TNFRSF8: variants seen among roughly 807,000 people sequenced by gnomAD.
TNFRSF8 encodes the protein TNF receptor superfamily member 8, also known as tumor necrosis factor receptor superfamily member 8.
Under a neutral mutation model 70.8 loss-of-function variants are expected in TNFRSF8, and 26 were observed. The observed-to-expected ratio is 0.37, with a 90% CI of 0.27 to 0.51. The LOEUF is 0.51. TNFRSF8 is among the 20% of genes least tolerant of loss of function. The pLI is 0.94. For missense variants in TNFRSF8, 720 were observed against 807.9 expected (o/e 0.89, Z 1.32); for synonymous variants, 356 against 339.2 (o/e 1.05, Z -0.54).
chr1:12,093,423 G>A (rs1267746208), intron 2 of TNFRSF8, among the ~76,000 whole-genome samples: 1 of 152,202 alleles, frequency 6.6e-6, no homozygotes, highest in Non-Finnish European at 1.5e-5. Context: ...TGGGAGTGCA[G>A]GCTGGGGAAT....
At chr1:12,079,258 C>T (rs1439928263) in intron 1 of TNFRSF8, among the ~76,000 whole-genome samples, 1 of 152,176 alleles carries the variant, frequency 6.6e-6, no homozygotes, top group Non-Finnish European at 1.5e-5. Context: ...TTTTAGGCCA[C>T]CCTCTCTTTA....
intron 12 of TNFRSF8, among the ~76,000 whole-genome samples, chr1:12,131,727 C>T (rs1007641864): frequency 1.3e-5 from 2 of 152,000 alleles, no homozygotes; most frequent in Non-Finnish European, 2.9e-5. Flanking sequence ...CTCCTGAGCT[C>T]AAGTGATCTG....
intron 1 of TNFRSF8, among the ~76,000 whole-genome samples, chr1:12,064,843 T>G (rs1012124495): frequency 6.6e-6 from 1 of 152,064 alleles, no homozygotes. Flanking sequence ...AGCCCTCACC[T>G]GGGGGAAGGT....
At chr1:12,065,635 C>T (rs1229140285) in intron 1 of TNFRSF8, among the ~76,000 whole-genome samples, 2 of 152,180 alleles carry the variant, frequency 1.3e-5, no homozygotes, top group South Asian at 2.1e-4. Context: ...CTATACCCTA[C>T]AGTACATATG....
intron 2 of TNFRSF8, among the ~76,000 whole-genome samples, chr1:12,096,550 A>G (rs1641334744): frequency 6.6e-6 from 1 of 152,124 alleles, no homozygotes. Context: ...GGGTTGGACA[A>G]GCTTGGTCTA....
chr1:12,074,118 A>C (rs1286440879), intron 1 of TNFRSF8, among the ~76,000 whole-genome samples: 1 of 152,022 alleles, frequency 6.6e-6, no homozygotes, highest in Admixed American at 6.6e-5. Flanking sequence ...CTTGGTGGGA[A>C]GTGAGGATCG....
intron 7 of TNFRSF8, 36 bp from the exon 8 acceptor site, chr1:12,115,541 T>C: frequency 6.2e-7 from 1 of 1,614,000 alleles, no homozygotes; most frequent in East Asian, 2.2e-5. Context: ...CTTGCCATAC[T>C]GATCTTTCTC....
intron 13 of TNFRSF8, among the ~76,000 whole-genome samples, chr1:12,135,894 G>A (rs1319296780): frequency 6.6e-6 from 1 of 152,184 alleles, no homozygotes; most frequent in African/African-American, 2.4e-5. Flanking sequence ...CCAGCTCCTG[G>A]CTCAGCCTGC....
At chr1:12,101,512 A>G (rs1641422818) in intron 3 of TNFRSF8, among the ~76,000 whole-genome samples, 1 of 152,190 alleles carries the variant, frequency 6.6e-6, no homozygotes, top group Admixed American at 6.5e-5. Context: ...AGTATTACAT[A>G]CTATCCATAA....
intron 1 of TNFRSF8, among the ~76,000 whole-genome samples, chr1:12,064,738 C>T (rs1025981847): frequency 1.3e-5 from 2 of 152,146 alleles, no homozygotes; most frequent in Non-Finnish European, 2.9e-5. Context: ...TGCCCTCTTC[C>T]ATTTCCAATG....
Position 12,143,798 on chromosome 1 carries a change from C to G in TNFRSF8, c.*1267C>G, listed in dbSNP as rs983917377. On this transcript the variant is annotated 3_prime_UTR_variant, in exon 15 of 15. Transcript: ENST00000263932. This position sits in a 1 kb window ranked among gnomAD's most constrained non-coding sequence, Gnocchi z 4.1. ...GGCAGCCTGGAGACTCGTGGACTTA[C>G]CGCCTGGAGGCAGGCCCGGGAAGGC... 1.3e-5 allele frequency: 2 copies of G among 152,250 alleles called. No homozygotes were observed. The highest frequency in any genetic ancestry group is 3.8e-4 in the East Asian group (2 of 5,202). The allele number at this position is 152,250 out of a possible 1,614,324, so 9.4% of individuals were successfully genotyped here. A position where few individuals can be genotyped will look rare whatever the true frequency, so the allele number is the denominator to read the frequency against.
At chr1:12,131,919 G>T (rs1453518588) in intron 12 of TNFRSF8, among the ~76,000 whole-genome samples, 1 of 151,608 alleles carries the variant, frequency 6.6e-6, no homozygotes, top group Non-Finnish European at 1.5e-5. Context: ...TCAGCCTCCC[G>T]AGTAGCTGGG....
chr1:12,125,724 ACT>A (rs1485048272), intron 10 of TNFRSF8, among the ~76,000 whole-genome samples: 5 of 151,918 alleles, frequency 3.3e-5, no homozygotes, highest in Admixed American at 6.6e-5. Context: ...TCAATTTCTC[ACT>A]CTCTAGACAC....
In TNFRSF8 at chr1:12,123,739, G is replaced by C; in HGVS notation, c.1065G>C (p.Leu355=). The C allele has an allele frequency of 3.8e-6, 6 of 1,570,496 alleles. No homozygotes were observed. The highest frequency in any genetic ancestry group is 5.2e-6 in the Non-Finnish European group (6 of 1,157,280). The change falls in exon 10 of 15, where the codon CTG becomes CTC. Residue 355 remains leucine, a synonymous_variant. Coordinates refer to ENST00000263932, the MANE Select transcript of TNFRSF8 (RefSeq NM_001243.5). ...PASTSPTQSL[L]VDSQASKTLP... is the part of the protein sequence containing the mutation. Reference sequence around the variant, plus strand: ...GCACCAGCCCCACTCAGAGCTTGCTGGTGGACTCCCAGGCCAGTAAGACGC... The same window carrying C: ...GCACCAGCCCCACTCAGAGCTTGCTCGTGGACTCCCAGGCCAGTAAGACGC...
chr1:12,074,588 A>T (rs1014156497), intron 1 of TNFRSF8, among the ~76,000 whole-genome samples: 10 of 152,022 alleles, frequency 6.6e-5, no homozygotes, highest in Non-Finnish European at 4.4e-5. Flanking sequence ...CCTCAAACTC[A>T]CTTTCTGGCA....
At chr1:12,125,840 G>A in intron 10 of TNFRSF8, 111 bp from the exon 11 acceptor site, 2 of 861,954 alleles carry the variant, frequency 2.3e-6, no homozygotes, top group Non-Finnish European at 4.0e-6. Flanking sequence ...ACCTGTTGTT[G>A]TTAGCCATGA....
chr1:12,076,485 C>A (rs1423502396), intron 1 of TNFRSF8, among the ~76,000 whole-genome samples: 1 of 152,156 alleles, frequency 6.6e-6, no homozygotes, highest in Non-Finnish European at 1.5e-5. Flanking sequence ...ACACAAAAAT[C>A]ATTTCAAGGT....
rs990218213 is a variant in TNFRSF8 at position 12,109,392 on chromosome 1, ATAGGCTGCTT to A, written c.422-171_422-162del. Among the ~76,000 whole-genome samples the A allele has an allele frequency of 7.9e-5, 12 of 152,180 alleles. No individual in the cohort carries two copies. The highest frequency in any genetic ancestry group is 1.6e-4 in the Non-Finnish European group (11 of 68,026). On this transcript the variant is annotated intron_variant, in intron 4 of 14. Transcript: ENST00000263932. The surrounding 1 kb of genome is among the most constrained non-coding windows in gnomAD (Gnocchi z 4.4). ...AGGGAGAGTAATTCCCCAGGGAAAG[ATAGGCTGCTT>A]TACTCTGAAGGGGAACGGGTGCCAG... is the stretch of plus-strand genomic sequence containing the variant.
intron 2 of TNFRSF8, among the ~76,000 whole-genome samples, chr1:12,089,298 A>G (rs1039716375): frequency 6.6e-6 from 1 of 152,066 alleles, no homozygotes; most frequent in Non-Finnish European, 1.5e-5. Flanking sequence ...CACATAGTAG[A>G]GTCTCAATTT....
Sources: allele counts gnomAD v4.1 joint callset (sites outside exome capture counted in the v4.1 genomes callset), GRCh38; gene constraint gnomAD v4.1.1; non-coding constraint Gnocchi (gnomAD v3.1); transcripts MANE v1.5; gene names NCBI Gene and HGNC (gene_info 2026-07-23, HGNC 2026-07-21).